The following FAM171B variants were observed in gnomAD, a reference collection of about 807,000 sequenced individuals.
FAM171B encodes the protein family with sequence similarity 171 member B.
In FAM171B, 19 loss-of-function variants were observed where a neutral mutation model predicts 75.6. The observed-to-expected ratio is 0.25, with a 90% CI of 0.18 to 0.37. FAM171B has a LOEUF of 0.37. Ranked by LOEUF, FAM171B falls within the 10% of genes least tolerant of loss-of-function variation. The pLI is 1.00. For missense variants in FAM171B, 848 were observed against 982.4 expected, an observed-to-expected ratio of 0.86 and a Z score of 1.83; for synonymous variants, 367 against 361.7, an observed-to-expected ratio of 1.01 and a Z score of -0.17.
intron 2 of FAM171B, among the ~76,000 whole-genome samples, chr2:186,741,102 G>A (rs1050568285): frequency 2.0e-5 from 3 of 151,992 alleles, no homozygotes; most frequent in African/African-American, 7.2e-5. Context: ...TGGACACTTA[G>A]TATTTATAAA....
intron 5 of FAM171B, among the ~76,000 whole-genome samples, chr2:186,753,649 G>A (rs1292679378): frequency 6.6e-6 from 1 of 152,154 alleles, no homozygotes; most frequent in African/African-American, 2.4e-5. Flanking sequence ...ACCTGATCTT[G>A]TGATCCGCCT....
At chr2:186,704,895 G>A (rs1447059455) in intron 1 of FAM171B, among the ~76,000 whole-genome samples, 1 of 152,230 alleles carries the variant, frequency 6.6e-6, no homozygotes, top group Admixed American at 6.5e-5. Context: ...TGTGGAGGAG[G>A]AAGGACCTCC....
intron 1 of FAM171B, among the ~76,000 whole-genome samples, chr2:186,722,550 A>G (rs1355499980): frequency 1.3e-5 from 2 of 152,194 alleles, no homozygotes; most frequent in African/African-American, 4.8e-5. Context: ...TGCATGATAC[A>G]GTGATCAAGT....
At chr2:186,702,887 T>C (rs1055955925) in intron 1 of FAM171B, among the ~76,000 whole-genome samples, 6 of 152,126 alleles carry the variant, frequency 3.9e-5, no homozygotes, top group South Asian at 2.1e-4. Flanking sequence ...ATGTGACATT[T>C]CAACTTCTAT....
intron 1 of FAM171B, among the ~76,000 whole-genome samples, chr2:186,718,272 AC>A (rs1369689874): frequency 5.3e-5 from 8 of 152,168 alleles, no homozygotes; most frequent in African/African-American, 1.9e-4. Context: ...ACACGGCTCA[AC>A]CTTCCTTACA....
At chr2:186,744,056 G>GA (rs1230594872) in intron 3 of FAM171B, among the ~76,000 whole-genome samples, 2 of 152,164 alleles carry the variant, frequency 1.3e-5, no homozygotes, top group African/African-American at 4.8e-5. Flanking sequence ...GAAGAGTGCA[G>GA]AAATCATGTT....
intron 2 of FAM171B, among the ~76,000 whole-genome samples, chr2:186,740,733 C>T (rs1009937150): frequency 3.3e-5 from 5 of 152,034 alleles, no homozygotes; most frequent in African/African-American, 1.2e-4. Context: ...AAGGTGCCAG[C>T]AGATTCTGTG....
At chr2:186,715,067 T>A (rs1322802734) in intron 1 of FAM171B, among the ~76,000 whole-genome samples, 2 of 152,196 alleles carry the variant, frequency 1.3e-5, no homozygotes, top group African/African-American at 4.8e-5. Flanking sequence ...GGAAAATTAT[T>A]CAATAGTCAA....
chr2:186,726,950 G>A (rs933420235), intron 1 of FAM171B, among the ~76,000 whole-genome samples: 13 of 152,088 alleles, frequency 8.5e-5, no homozygotes, highest in South Asian at 2.1e-4. Context: ...GGCCCCTGCC[G>A]AAATCCTGCA....
At chr2:186,748,314 T>C (rs1690400982) in intron 4 of FAM171B, among the ~76,000 whole-genome samples, 1 of 152,128 alleles carries the variant, frequency 6.6e-6, no homozygotes, top group African/African-American at 2.4e-5. Flanking sequence ...TAGTTTCTTT[T>C]TTTTTTTTTT....
rs139062803 is a variant in FAM171B, at chr2:186,761,812, G to A, written c.1470G>A (p.Gly490=). The change falls in exon 8 of 8, where the codon GGG becomes GGA. Residue 490 remains glycine (G), a synonymous_variant. Coordinates refer to ENST00000304698, the MANE Select transcript of FAM171B (RefSeq NM_177454.4). ...CACAGTCTTTGGAGCCCAATGTAGG[G>A]TCCAAACAACCTAAACATATTAACA... ...NPTQSLEPNV[G]SKQPKHINNN... 20 of 1,613,082 alleles carry A rather than the reference G, an allele frequency of 1.2e-5. No homozygotes were observed. In the African/African-American group the frequency reaches 2.1e-4, roughly 17 times the overall value.
chr2:186,734,672 T>C (rs1229429459), intron 1 of FAM171B, among the ~76,000 whole-genome samples: 3 of 152,066 alleles, frequency 2.0e-5, no homozygotes, highest in African/African-American at 7.2e-5. Context: ...AAGTTCTCAT[T>C]CTGGTCTGTG....
chr2:186,740,214 C>T lies in FAM171B; in HGVS notation c.239-14C>T. The T allele has an allele frequency of 6.3e-7, 1 of 1,598,398 alleles. No homozygotes were observed. The highest frequency in any genetic ancestry group is 2.2e-5 in the East Asian group (1 of 44,726). On this transcript the variant is annotated splice_polypyrimidine_tract_variant and intron_variant, in intron 1 of 7. Transcript: ENST00000304698. ...GGATACGACATGCTGCAATTTCTAC[C>T]TTTTTCTCTCCAGTGTCTGTATTTA...
chr2:186,749,804 T>G (rs986246431), intron 4 of FAM171B, among the ~76,000 whole-genome samples: 22 of 152,136 alleles, frequency 1.4e-4, no homozygotes, highest in African/African-American at 5.1e-4. Flanking sequence ...GGAAAGTTCT[T>G]GAAGGTTCTT....
In FAM171B at chr2:186,732,759, G is replaced by C. The variant is rs191927795; in HGVS notation, c.239-7469G>C. 3.9e-5 allele frequency among the ~76,000 whole-genome samples: 6 copies of C among 152,312 alleles called. No homozygotes were observed. In the East Asian group the frequency reaches 1.2e-3, roughly 29 times the overall value. ...CGGCTGCATGTGCAGTGTGTTTATT[G>C]AAGTTGTACACATGCTCACTTGAGG... On this transcript the variant is annotated intron_variant, in intron 1 of 7. Transcript: ENST00000304698.
intron 1 of FAM171B, among the ~76,000 whole-genome samples, chr2:186,737,223 C>T (rs561857844): frequency 6.6e-6 from 1 of 152,352 alleles, no homozygotes; most frequent in South Asian, 2.1e-4. Flanking sequence ...TACATGCTTA[C>T]AAAGGCACTT....
intron 2 of FAM171B, among the ~76,000 whole-genome samples, chr2:186,742,403 T>C (rs1456094039): frequency 6.6e-6 from 1 of 152,166 alleles, no homozygotes; most frequent in Non-Finnish European, 1.5e-5. Flanking sequence ...ATTTAATCCA[T>C]TAATCAGTCT....
intron 5 of FAM171B, among the ~76,000 whole-genome samples, chr2:186,752,661 CT>C (rs1468286102): frequency 6.6e-6 from 1 of 152,128 alleles, no homozygotes; most frequent in East Asian, 1.9e-4. Context: ...TCTAATGTAC[CT>C]TTCAGTGACA....
intron 1 of FAM171B, among the ~76,000 whole-genome samples, chr2:186,695,900 C>A (rs55961288): frequency 0.51 from 77,661 of 151,896 alleles, 20,374 homozygotes; most frequent in Middle Eastern, 0.61. Flanking sequence ...ACTATGAAGC[C>A]GAAGTCTGGG....
Sources: gnomAD v4.1 joint callset for allele counts (sites outside exome capture counted in the v4.1 genomes callset) on GRCh38, gnomAD v4.1.1 for gene constraint, MANE v1.5 for transcripts, NCBI Gene and HGNC (gene_info 2026-07-23, HGNC 2026-07-21) for gene names.